MSR1: variants seen among roughly 807,000 people sequenced by gnomAD.
MSR1 encodes macrophage scavenger receptor 1, also known as macrophage scavenger receptor types I and II.
MSR1 carries 53 observed loss-of-function variants against 47.2 expected under a neutral mutation model. That is an observed-to-expected ratio of 1.12 (90% CI 0.90 to 1.41). The LOEUF (loss-of-function observed/expected upper bound fraction) is 1.41, where lower values mean the gene tolerates loss of function less well. MSR1 is among the 40% of genes most tolerant of loss of function. The pLI, the probability that MSR1 is intolerant of heterozygous loss-of-function variation, is 0.00. For synonymous variants in MSR1, 239 were observed against 185.6 expected (o/e 1.29, Z -2.34); for missense variants, 786 against 546.9 (o/e 1.44, Z -4.36).
intron 1 of MSR1, among the ~76,000 whole-genome samples, chr8:16,188,810 C>T (rs933497537): frequency 2.0e-5 from 3 of 151,842 alleles, no homozygotes; most frequent in African/African-American, 4.8e-5. Context: ...TGGTTTCCAG[C>T]TTCATCCATG....
chr8:16,179,374 A>C (rs967716713), intron 1 of MSR1, among the ~76,000 whole-genome samples: 1 of 152,220 alleles, frequency 6.6e-6, no homozygotes, highest in Non-Finnish European at 1.5e-5. Context: ...TAAATCCATT[A>C]GAGAACATAG....
Position 16,133,931 on chromosome 8 carries a change from G to A in MSR1, c.1033+9627C>T, listed in dbSNP as rs186954782. ...GCAAGCCAAACCAGTTGAGATGTCT[G>A]TGGTGTTGGCTGTTGTTCTGCTGTC... On this transcript the variant is annotated intron_variant, in intron 8 of 9. Transcript: ENST00000262101. 9.8e-4 allele frequency among the ~76,000 whole-genome samples: 149 copies of A among 152,286 alleles called. 2 individuals carry two copies. The highest frequency in any genetic ancestry group is 8.3e-3 in the South Asian group (40 of 4,822).
intron 8 of MSR1, chr8:16,139,722 C>G: frequency 1.2e-6 from 1 of 868,824 alleles, no homozygotes; most frequent in Non-Finnish European, 1.3e-6. Flanking sequence ...GATAAATTGC[C>G]CAAGCTCGAC....
At chr8:16,131,274 G>A (rs1346019714) in intron 8 of MSR1, among the ~76,000 whole-genome samples, 4 of 151,948 alleles carry the variant, frequency 2.6e-5, no homozygotes, top group African/African-American at 9.7e-5. Context: ...TGTTGGCCAC[G>A]TGTACGTCTT....
intron 9 of MSR1, among the ~76,000 whole-genome samples, chr8:16,116,676 C>G (rs972520586): frequency 5.9e-5 from 9 of 152,026 alleles, no homozygotes; most frequent in Admixed American, 5.9e-4. Flanking sequence ...GAAATCCCTA[C>G]TTTATAGAGA....
Position 16,143,599 on chromosome 8 carries a change from G to A in MSR1, c.992C>T (p.Pro331Leu), listed in dbSNP as rs781136470. The A allele has an allele frequency of 6.2e-7, 1 of 1,612,098 alleles. No homozygotes were observed. The highest frequency in any genetic ancestry group is 8.5e-7 in the Non-Finnish European group (1 of 1,178,826). ...GYAGRPGNSG[P>L]KGQKGEKGSG... is the part of the protein sequence containing the mutation. ...CCCCTTTTCCCCTTTCTGGCCTTTT[G>A]GTCCAGAATTTCCTTGAGAAAAGAA... The change falls in exon 8 of 10, where the codon CCA becomes CTA. Residue 331 changes from proline to leucine, a missense_variant. Coordinates refer to ENST00000262101, the MANE Select transcript of MSR1 (RefSeq NM_138715.3).
rs145519825 is a variant in MSR1 at position 16,183,079 on chromosome 8, T to A, written c.-4-5087A>T. Among the ~76,000 whole-genome samples, 39 of 152,218 alleles carry A rather than the reference T, an allele frequency of 2.6e-4. No homozygotes were observed. The East Asian group carries it at 7.1e-3, about 28-fold the overall frequency. On this transcript the variant is annotated intron_variant, in intron 1 of 9. Coordinates refer to ENST00000262101, the MANE Select transcript of MSR1 (RefSeq NM_138715.3). ...CCATTATAATCTTATGGGACCACCA[T>A]CATACATATGGTCCTGTGTTGACTG...
chr8:16,181,996 G>T (rs1801847127), intron 1 of MSR1, among the ~76,000 whole-genome samples: 1 of 152,082 alleles, frequency 6.6e-6, no homozygotes, highest in South Asian at 2.1e-4. Flanking sequence ...CAATTTCATG[G>T]CTGTGTGAAC....
At chr8:16,143,066 C>A (rs1800602498) in intron 8 of MSR1, among the ~76,000 whole-genome samples, 2 of 152,084 alleles carry the variant, frequency 1.3e-5, no homozygotes, top group South Asian at 4.1e-4. Context: ...GTTGTGAAAT[C>A]TATTCTGTTG....
Position 16,143,574 on chromosome 8 carries a change from C to T in MSR1, c.1017G>A (p.Gly339=). 6.2e-7 allele frequency: 1 copy of T among 1,612,458 alleles called. No individual in the cohort carries two copies. Residue 339 remains glycine (G), a synonymous_variant, in exon 8 of 10, where the codon GGG becomes GGA. Coordinates refer to ENST00000262101, the MANE Select transcript of MSR1 (RefSeq NM_138715.3). ...TATACTTACTTAATGTGTTTCCACTCCCCTTTTCCCCTTTCTGGCCTTTTG... is the reference window on the plus strand; with the variant it reads ...TATACTTACTTAATGTGTTTCCACTTCCCTTTTCCCCTTTCTGGCCTTTTG... ...SGPKGQKGEK[G]SGNTLTPFTK...
chr8:16,179,285 T>C (rs1801754114), intron 1 of MSR1, among the ~76,000 whole-genome samples: 1 of 152,192 alleles, frequency 6.6e-6, no homozygotes. Context: ...AGATAATTGT[T>C]TTAATTTGCC....
At chr8:16,144,999 G>C (rs1180867286) in intron 7 of MSR1, among the ~76,000 whole-genome samples, 3 of 151,778 alleles carry the variant, frequency 2.0e-5, no homozygotes, top group East Asian at 1.9e-4. Flanking sequence ...TAATTTACCA[G>C]CTAAAAAAAT....
intron 7 of MSR1, among the ~76,000 whole-genome samples, chr8:16,147,025 A>G (rs75406869): frequency 0.013 from 1,935 of 152,246 alleles, 37 homozygotes; most frequent in African/African-American, 0.043. Flanking sequence ...GAGGGAAACA[A>G]TAAGTCTTTG....
At chr8:16,117,774 TGGGACCGTCTA>T (rs1050355301) in intron 9 of MSR1, among the ~76,000 whole-genome samples, 41 of 152,110 alleles carry the variant, frequency 2.7e-4, no homozygotes, top group African/African-American at 9.9e-4. Flanking sequence ...CAGCCCCAGA[TGGGACCGTCTA>T]GTTGCAGGAA....
chr8:16,127,949 T>C (rs1800166159), intron 8 of MSR1, among the ~76,000 whole-genome samples: 1 of 152,208 alleles, frequency 6.6e-6, no homozygotes, highest in South Asian at 2.1e-4. Context: ...TTGGTTATTG[T>C]CTGTTTAAAC....
intron 1 of MSR1, among the ~76,000 whole-genome samples, chr8:16,186,962 T>G (rs1802017740): frequency 6.6e-6 from 1 of 152,062 alleles, no homozygotes; most frequent in Non-Finnish European, 1.5e-5. Context: ...CTTACATTCT[T>G]GAATTAATTC....
At chr8:16,175,324 C>T in intron 2 of MSR1, 24 bp from the exon 3 acceptor site, 1 of 1,568,010 alleles carries the variant, frequency 6.4e-7, no homozygotes, top group Non-Finnish European at 8.8e-7. Flanking sequence ...AAAGCCCAGC[C>T]TACTGTTAGA....
intron 9 of MSR1, among the ~76,000 whole-genome samples, chr8:16,112,943 G>GTTTT (rs71543671): frequency 5.7e-5 from 5 of 87,812 alleles, no homozygotes; most frequent in Admixed American, 2.8e-4. Context: ...TTTTTTTTAA[G>GTTTT]TTTTTTTTTT....
chr8:16,115,297 T>C (rs988068028), intron 9 of MSR1, among the ~76,000 whole-genome samples: 2 of 152,226 alleles, frequency 1.3e-5, no homozygotes, highest in Non-Finnish European at 2.9e-5. Flanking sequence ...TGCATGTTTC[T>C]CTTTTAGTTC....
Sources: allele counts gnomAD v4.1 joint callset (sites outside exome capture counted in the v4.1 genomes callset), GRCh38; gene constraint gnomAD v4.1.1; transcripts MANE v1.5; gene names NCBI Gene and HGNC (gene_info 2026-07-23, HGNC 2026-07-21).